Variants in GRIA4 observed in about 807,000 individuals in gnomAD.
The protein encoded by GRIA4 is glutamate receptor 4.
A neutral mutation model predicts 104.0 loss-of-function variants in GRIA4; 34 were observed. The ratio of observed to expected loss-of-function variants is 0.33; its 90% CI spans 0.25 to 0.44. GRIA4 has a LOEUF of 0.44. Among genes scored for constraint, GRIA4 ranks in the 20% least tolerant of loss-of-function variants. The pLI is 1.00. For synonymous variants in GRIA4, 386 were observed against 381.9 expected, an observed-to-expected ratio of 1.01 and a Z score of -0.13; for missense variants, 750 against 1,096.5, an observed-to-expected ratio of 0.68 and a Z score of 4.46.
intron 3 of GRIA4, among the ~76,000 whole-genome samples, chr11:105,733,356 T>C (rs186911985): frequency 2.0e-4 from 31 of 152,368 alleles, no homozygotes; most frequent in African/African-American, 6.5e-4. Context: ...TAGACATTAA[T>C]AGACTTCTAC....
At chr11:105,631,023 T>A (rs1157670259) in intron 3 of GRIA4, among the ~76,000 whole-genome samples, 1 of 152,190 alleles carries the variant, frequency 6.6e-6, no homozygotes. Flanking sequence ...CCCCAAAGAT[T>A]CTTTCTCACT....
intron 4 of GRIA4, among the ~76,000 whole-genome samples, chr11:105,852,211 GT>G (rs1944836849): frequency 6.6e-6 from 1 of 152,088 alleles, no homozygotes; most frequent in South Asian, 2.1e-4. Flanking sequence ...CTAGGTTTTT[GT>G]TTTTCGTTTG....
At position 105,684,465 on chromosome 11, in the gene GRIA4, A is replaced by C. The variant is rs17104432; in HGVS notation, c.248-68516A>C. ...AAGTTAGATGAGATTATGTTGACTT[A>C]GAGTGACCACATTAAGACAAACCAA... On this transcript the variant is annotated intron_variant, in intron 3 of 16. Transcript: ENST00000282499. 7.1e-3 allele frequency among the ~76,000 whole-genome samples: 1,072 copies of C among 151,266 alleles called. 12 individuals carry two copies. The highest frequency in any genetic ancestry group is 0.024 in the African/African-American group (1,004 of 41,352).
intron 3 of GRIA4, among the ~76,000 whole-genome samples, chr11:105,734,734 T>C (rs117489056): frequency 0.013 from 1,940 of 152,318 alleles, 22 homozygotes; most frequent in Middle Eastern, 0.061. Flanking sequence ...ATGTCTGAGA[T>C]AGTGTTTTCT....
At chr11:105,907,701 T>C (rs1283043714) in intron 9 of GRIA4, among the ~76,000 whole-genome samples, 1 of 152,162 alleles carries the variant, frequency 6.6e-6, no homozygotes, top group Non-Finnish European at 1.5e-5. Flanking sequence ...ATTGTAAAAA[T>C]TTCATGTATT....
At chr11:105,791,304 A>C (rs80107508) in intron 4 of GRIA4, among the ~76,000 whole-genome samples, 4,572 of 152,246 alleles carry the variant, frequency 0.03, 139 homozygotes, top group African/African-American at 0.077. Flanking sequence ...AATAATTGTG[A>C]TATGCATTTA....
At chr11:105,838,486 C>T (rs1591329155) in intron 4 of GRIA4, among the ~76,000 whole-genome samples, 1 of 152,058 alleles carries the variant, frequency 6.6e-6, no homozygotes, top group East Asian at 1.9e-4. Flanking sequence ...AACAATTTGG[C>T]CAACATTTGA....
chr11:105,688,512 G>A (rs918365183), intron 3 of GRIA4, among the ~76,000 whole-genome samples: 13 of 152,092 alleles, frequency 8.5e-5, no homozygotes, highest in Non-Finnish European at 1.5e-4. Context: ...GTAGTGAGCC[G>A]AGATCGTGCC....
chr11:105,729,764 A>T (rs1314167931), intron 3 of GRIA4, among the ~76,000 whole-genome samples: 2 of 152,224 alleles, frequency 1.3e-5, no homozygotes, highest in Non-Finnish European at 2.9e-5. Context: ...AAACCACATG[A>T]TTATCTCAAT....
chr11:105,921,022 A>C (rs1322739432), intron 11 of GRIA4, among the ~76,000 whole-genome samples: 1 of 152,178 alleles, frequency 6.6e-6, no homozygotes, highest in Non-Finnish European at 1.5e-5. Flanking sequence ...TATAGAACAA[A>C]GTCTATTATA....
intron 3 of GRIA4, among the ~76,000 whole-genome samples, chr11:105,715,620 C>G (rs535112652): frequency 1.2e-4 from 19 of 152,122 alleles, no homozygotes; most frequent in Admixed American, 1.2e-3. Context: ...ATTAGACGAG[C>G]AAAAAGGATT....
At chr11:105,872,363 A>G (rs1180292064) in intron 5 of GRIA4, among the ~76,000 whole-genome samples, 1 of 152,114 alleles carries the variant, frequency 6.6e-6, no homozygotes, top group Non-Finnish European at 1.5e-5. Flanking sequence ...TGAGAACATC[A>G]CATATTAAAA....
chr11:105,740,286 T>C (rs1216253331), intron 3 of GRIA4, among the ~76,000 whole-genome samples: 1 of 152,216 alleles, frequency 6.6e-6, no homozygotes, highest in African/African-American at 2.4e-5. Context: ...GGTGAGTTAA[T>C]GCATGGTCAA....
intron 3 of GRIA4, among the ~76,000 whole-genome samples, chr11:105,713,697 T>C (rs565472865): frequency 7.2e-5 from 11 of 152,306 alleles, no homozygotes; most frequent in Admixed American, 4.6e-4. Flanking sequence ...GGATTGTTGT[T>C]AAATTACTTC....
chr11:105,640,324 T>C (rs1477947001), intron 3 of GRIA4, among the ~76,000 whole-genome samples: 1 of 151,924 alleles, frequency 6.6e-6, no homozygotes, highest in Non-Finnish European at 1.5e-5. Flanking sequence ...CACTTTTGTG[T>C]TTATTTGGAT....
chr11:105,795,431 T>G (rs1358287282), intron 4 of GRIA4, among the ~76,000 whole-genome samples: 2 of 151,940 alleles, frequency 1.3e-5, no homozygotes, highest in African/African-American at 4.8e-5. Context: ...TGTAGGAGAG[T>G]ATGAAACATT....
chr11:105,911,167 A>G (rs940328401), intron 10 of GRIA4, among the ~76,000 whole-genome samples: 1 of 152,112 alleles, frequency 6.6e-6, no homozygotes. Flanking sequence ...AGAAGTACAC[A>G]TTATAGTTTA....
At chr11:105,701,083 G>A (rs890820978) in intron 3 of GRIA4, among the ~76,000 whole-genome samples, 1 of 152,084 alleles carries the variant, frequency 6.6e-6, no homozygotes, top group Non-Finnish European at 1.5e-5. Context: ...TTTTGATGAG[G>A]CTTATTCCCC....
chr11:105,761,019 C>G (rs904622507), intron 4 of GRIA4, among the ~76,000 whole-genome samples: 3 of 151,990 alleles, frequency 2.0e-5, no homozygotes, highest in African/African-American at 7.3e-5. Context: ...TCAAATATTC[C>G]GCATTTTTAT....
Sources: gnomAD v4.1 joint callset for allele counts (sites outside exome capture counted in the v4.1 genomes callset) on GRCh38, gnomAD v4.1.1 for gene constraint, MANE v1.5 for transcripts, NCBI Gene and HGNC (gene_info 2026-07-23, HGNC 2026-07-21) for gene names.